BTBD7: variants seen among roughly 807,000 people sequenced by gnomAD.
BTBD7 encodes the protein BTB/POZ domain-containing protein 7.
BTBD7 carries 38 observed loss-of-function variants against 99.9 expected under a neutral mutation model. That is an observed-to-expected ratio of 0.38 (90% CI 0.29 to 0.50). The LOEUF is 0.50. BTBD7 is among the 20% of genes least tolerant of loss of function. The pLI, the probability that BTBD7 is intolerant of heterozygous loss-of-function variation, is 0.93. For missense variants in BTBD7, 1,170 were observed against 1,394.6 expected, an observed-to-expected ratio of 0.84 and a Z score of 2.57; for synonymous variants, 520 against 511.4, an observed-to-expected ratio of 1.02 and a Z score of -0.23.
Position 93,257,303 on chromosome 14 carries a change from T to C in BTBD7, c.1500A>G (p.Lys500=). ...TAHSVNKRGV[K]RRDLDMEELR... is the part of the protein sequence containing the mutation. ...GCTCTTCCATGTCCAGGTCCCGTCT[T>C]TTTACACCTCTTTTGTTCACACTAT... Residue 500 remains lysine (K), a synonymous_variant, in exon 6 of 11, where the codon AAA becomes AAG. Transcript: ENST00000334746. 6.2e-7 allele frequency: 1 copy of C among 1,614,098 alleles called. No individual in the cohort carries two copies. Among genetic ancestry groups the C allele is most frequent in the East Asian group, 2.2e-5 (1 of 44,870 alleles).
At chr14:93,293,624 A>G (rs1226449111) in intron 3 of BTBD7, among the ~76,000 whole-genome samples, 1 of 152,188 alleles carries the variant, frequency 6.6e-6, no homozygotes, top group Non-Finnish European at 1.5e-5. Context: ...AAGAACCTCA[A>G]GTCTCATTTA....
chr14:93,262,412 T>C (rs542662050), intron 4 of BTBD7, among the ~76,000 whole-genome samples: 4 of 152,102 alleles, frequency 2.6e-5, no homozygotes, highest in Non-Finnish European at 5.9e-5. Context: ...AATTTTTTTT[T>C]AAATTTTTTG....
intron 3 of BTBD7, among the ~76,000 whole-genome samples, chr14:93,290,740 G>A (rs939927288): frequency 3.3e-5 from 5 of 151,726 alleles, no homozygotes; most frequent in African/African-American, 1.2e-4. Flanking sequence ...GCCCAGGCTG[G>A]TGTGCAGTGG....
Position 93,238,421 on chromosome 14 carries a change from A to G in BTBD7, c.*3852T>C, listed in dbSNP as rs2052184501. ...GCATGTTAAGTCTTTTAGTAAGATT[A>G]TCTGTAATGAGGTTTGAAAGTAAAT... On this transcript the variant is annotated 3_prime_UTR_variant, in exon 11 of 11. Coordinates refer to ENST00000334746, the MANE Select transcript of BTBD7 (RefSeq NM_001002860.4). The G allele has an allele frequency of 6.6e-6, 1 of 152,640 alleles. No individual in the cohort carries two copies. The highest frequency in any genetic ancestry group is 6.5e-5 in the Admixed American group (1 of 15,284). 9.5% of individuals were successfully genotyped at this position (152,640 alleles called of 1,614,324 possible).
chr14:93,245,640 G>A (rs570958190), intron 10 of BTBD7, among the ~76,000 whole-genome samples, 185 bp downstream of exon 10: 2 of 152,222 alleles, frequency 1.3e-5, no homozygotes, highest in African/African-American at 4.8e-5. Context: ...CTCTCCTCCT[G>A]TCTTTTCTCA....
chr14:93,296,267 T>C, intron 1 of BTBD7, 110 bp from the exon 2 acceptor site: 1 of 728,666 alleles, frequency 1.4e-6, no homozygotes, highest in Non-Finnish European at 1.9e-6. Flanking sequence ...AACAACACGC[T>C]GTCAAATTCA....
chr14:93,259,102 AT>A (rs1178524442), intron 5 of BTBD7, among the ~76,000 whole-genome samples: 1 of 152,238 alleles, frequency 6.6e-6, no homozygotes, highest in Non-Finnish European at 1.5e-5. Context: ...ACTGTTGCTC[AT>A]AGGGAAAACA....
In BTBD7 at chr14:93,259,600, T is replaced by C. The variant is rs374847389; in HGVS notation, c.1447+2002A>G. ...TTCAGTGACTAGGTAAGTTGACAAA[T>C]ATAAAAGCTACGAATGAGAACTAAT... On this transcript the variant is annotated intron_variant, in intron 5 of 10. Transcript: ENST00000334746. Among the ~76,000 whole-genome samples the C allele has an allele frequency of 3.3e-5, 5 of 152,308 alleles. No homozygotes were observed. The East Asian group carries it at 9.6e-4, about 29-fold the overall frequency.
chr14:93,268,530 T>G lies in BTBD7; in HGVS notation c.1163-4537A>C, dbSNP rs576913604. Among the ~76,000 whole-genome samples the G allele has an allele frequency of 1.2e-4, 19 of 152,336 alleles. No individual in the cohort carries two copies. In the East Asian group the frequency reaches 2.5e-3, roughly 20 times the overall value. ...TATATGTATCAGGCTCTGTGTTAAC[T>G]GCTTACTTTAGAATATTTAATTTTA... On this transcript the variant is annotated intron_variant, in intron 3 of 10. Coordinates refer to ENST00000334746, the MANE Select transcript of BTBD7 (RefSeq NM_001002860.4).
chr14:93,295,673 T>C (rs1273126253), intron 2 of BTBD7, among the ~76,000 whole-genome samples: 1 of 152,200 alleles, frequency 6.6e-6, no homozygotes, highest in Non-Finnish European at 1.5e-5. Flanking sequence ...ATAAATGAAA[T>C]GGGACACAGG....
chr14:93,322,787 A>C (rs1419274560), intron 1 of BTBD7, among the ~76,000 whole-genome samples: 1 of 152,210 alleles, frequency 6.6e-6, no homozygotes, highest in Non-Finnish European at 1.5e-5. Context: ...ATATTTTTAA[A>C]GGTATACTCT....
At chr14:93,297,892 C>G (rs939156801) in intron 1 of BTBD7, among the ~76,000 whole-genome samples, 1 of 151,912 alleles carries the variant, frequency 6.6e-6, no homozygotes, top group Non-Finnish European at 1.5e-5. Flanking sequence ...AAGCCTTTAC[C>G]AAAATGAGGG....
At position 93,253,694 on chromosome 14, in the gene BTBD7, T is replaced by A. The variant is rs1367626790; in HGVS notation, c.1705A>T (p.Ile569Phe). 6.2e-7 allele frequency: 1 copy of A among 1,613,428 alleles called. No individual in the cohort carries two copies. Among genetic ancestry groups the A allele is most frequent in the Admixed American group, 1.7e-5 (1 of 60,016 alleles). The change falls in exon 7 of 11, where the codon ATC (isoleucine) becomes TTC (phenylalanine). Residue 569 changes from isoleucine (I) to phenylalanine (F), a missense_variant. Ile to Phe is a conservative substitution (Grantham distance 21). This residue lies in a region of BTBD7 where 309 missense variants were observed against 342.0 expected (regional missense o/e 0.90). Coordinates refer to ENST00000334746, the MANE Select transcript of BTBD7 (RefSeq NM_001002860.4). Reference sequence around the variant, plus strand: ...GAGAAGAGTCGAGGACGAACATAGATGCCAGCATTTTTTTGCCGTAACCAG... The same window carrying A: ...GAGAAGAGTCGAGGACGAACATAGAAGCCAGCATTTTTTTGCCGTAACCAG... ...NAWLRQKNAG[I>F]YVRPRLFSPY...
At chr14:93,273,835 AAG>A (rs1377325241) in intron 3 of BTBD7, among the ~76,000 whole-genome samples, 1 of 152,192 alleles carries the variant, frequency 6.6e-6, no homozygotes, top group East Asian at 1.9e-4. Context: ...TCTGGGAGGA[AAG>A]AGTGTAGGCA....
At chr14:93,255,073 TTAGAAAA>T (rs1288223557) in intron 6 of BTBD7, among the ~76,000 whole-genome samples, 3 of 152,172 alleles carry the variant, frequency 2.0e-5, no homozygotes, top group African/African-American at 7.2e-5. Flanking sequence ...TATCTAGTAT[TTAGAAAA>T]TAGAGAAAAA....
chr14:93,313,482 CT>C (rs200770996), intron 1 of BTBD7, among the ~76,000 whole-genome samples: 1,723 of 152,122 alleles, frequency 0.011, 31 homozygotes, highest in African/African-American at 0.039. Flanking sequence ...CCTGCTGATA[CT>C]TTTTTCCCCA....
intron 3 of BTBD7, among the ~76,000 whole-genome samples, chr14:93,281,782 T>G (rs550810079): frequency 3.3e-5 from 5 of 152,202 alleles, no homozygotes; most frequent in Non-Finnish European, 7.3e-5. Context: ...GGGAAAAGCA[T>G]TGGTAGTAGA....
chr14:93,326,160 A>T (rs2053328512), intron 1 of BTBD7, among the ~76,000 whole-genome samples: 1 of 152,208 alleles, frequency 6.6e-6, no homozygotes, highest in African/African-American at 2.4e-5. Flanking sequence ...CAGACACTTG[A>T]AAAGTTTCGT....
chr14:93,248,249 G>C (rs2139680252), intron 9 of BTBD7, among the ~76,000 whole-genome samples: 1 of 152,314 alleles, frequency 6.6e-6, no homozygotes, highest in South Asian at 2.1e-4. Context: ...CTAGTAAGCA[G>C]CAGAGCCGGG....
Sources: allele counts gnomAD v4.1 joint callset (sites outside exome capture counted in the v4.1 genomes callset), GRCh38; gene constraint gnomAD v4.1.1; regional missense constraint gnomAD v4.1.1; transcripts MANE v1.5; gene names NCBI Gene and HGNC (gene_info 2026-07-23, HGNC 2026-07-21).